The following AMD1 variants were observed in gnomAD, a reference collection of about 807,000 sequenced individuals.
AMD1 encodes the protein adenosylmethionine decarboxylase 1.
In AMD1, 11 loss-of-function variants were observed where a neutral mutation model predicts 40.2. That is an observed-to-expected ratio of 0.27 (90% confidence interval 0.17 to 0.45). The LOEUF (loss-of-function observed/expected upper bound fraction) is 0.45. Among genes scored for constraint, AMD1 ranks in the 20% least tolerant of loss-of-function variants. The pLI, the probability that AMD1 is intolerant of heterozygous loss-of-function variation, is 1.00. For missense variants in AMD1, 257 were observed against 410.2 expected (o/e 0.63, Z 3.23); for synonymous variants, 121 against 130.8 (o/e 0.93, Z 0.51).
At chr6:110,889,134 G>C in intron 3 of AMD1, 151 bp downstream of exon 3, 1 of 786,360 alleles carries the variant, frequency 1.3e-6, no homozygotes, top group South Asian at 3.2e-5. Context: ...GAAGAGATCT[G>C]ATTCTCAAGA....
At chr6:110,814,848 G>A in the AMD1 span, 3 of 913,330 alleles carry the variant, frequency 3.3e-6, no homozygotes, top group Admixed American at 4.4e-5. Context: ...GGAGGCGGGC[G>A]GAACGGGCGC....
intron 1 of AMD1, among the ~76,000 whole-genome samples, chr6:110,877,973 C>G (rs73534851): frequency 0.012 from 1,753 of 152,142 alleles, 33 homozygotes; most frequent in African/African-American, 0.04. Flanking sequence ...ACAAGGATAA[C>G]AAGATAAGGA....
the AMD1 span, among the ~76,000 whole-genome samples, chr6:110,835,119 C>T: frequency 6.7e-6 from 1 of 149,944 alleles, no homozygotes; most frequent in Non-Finnish European, 1.5e-5. Context: ...CCTGGGTTCA[C>T]ACCATTCTCC....
At chr6:110,892,590 T>C in intron 6 of AMD1, 145 bp from the exon 7 acceptor site, 1 of 1,393,012 alleles carries the variant, frequency 7.2e-7, no homozygotes, top group Non-Finnish European at 9.9e-7. Flanking sequence ...TCGTACACAG[T>C]ATTTCGTCAC....
At chr6:110,890,094 G>A (rs1785930179) in intron 3 of AMD1, 160 bp from the exon 4 acceptor site, 1 of 549,220 alleles carries the variant, frequency 1.8e-6, no homozygotes, top group East Asian at 3.3e-5. Flanking sequence ...CCTCCTAATA[G>A]CGAGACTACA....
At chr6:110,845,001 G>T in the AMD1 span, among the ~76,000 whole-genome samples, 15 of 150,104 alleles carry the variant, frequency 1.0e-4, no homozygotes, top group Non-Finnish European at 2.1e-4. Flanking sequence ...GAAAGCAAGC[G>T]CAAGCACGAG....
upstream of AMD1, chr6:110,874,738 T>C (rs1455830789): frequency 6.0e-6 from 1 of 165,422 alleles, no homozygotes; most frequent in African/African-American, 2.4e-5. Flanking sequence ...TCCTGGTCTT[T>C]TGGGGGGAGC....
At chr6:110,892,014 A>G (rs811921) in intron 4 of AMD1, 147 bp from the exon 5 acceptor site, 804,611 of 935,782 alleles carry the variant, frequency 0.86, 347,645 homozygotes, top group Middle Eastern at 0.94. Context: ...GGGATTATAG[A>G]CATGAGCTAC....
the AMD1 span, among the ~76,000 whole-genome samples, chr6:110,839,063 G>T: frequency 6.6e-6 from 1 of 152,266 alleles, no homozygotes; most frequent in Middle Eastern, 3.4e-3. Flanking sequence ...CACCGCGCCT[G>T]GCCCCTAACT....
chr6:110,815,056 C>T, the AMD1 span: 6 of 1,606,188 alleles, frequency 3.7e-6, no homozygotes, highest in Non-Finnish European at 5.1e-6. Flanking sequence ...TGCCGCGTCC[C>T]ACTTTGCACC....
chr6:110,890,353 C>A lies in AMD1; in HGVS notation c.424C>A (p.Pro142Thr). The change falls in exon 4 of 9, where the codon CCA becomes ACA. Residue 142 changes from proline (P) to threonine (T), a missense_variant. Pro to Thr is a conservative substitution (Grantham distance 38, BLOSUM62 -1). Coordinates refer to ENST00000368885, the MANE Select transcript of AMD1 (RefSeq NM_001634.6). ...AATAGAGTTTCTTAATGCAATTTTC[C>A]CAAGTAAGTTTAAATAAAATATAAA... Reference protein sequence around the residue: ...EEIEFLNAIFPNGAAYCMGRM... With the variant: ...EEIEFLNAIFTNGAAYCMGRM... The A allele has an allele frequency of 6.3e-7, 1 of 1,586,462 alleles. No individual in the cohort carries two copies.
At chr6:110,866,889 C>T in the AMD1 span, among the ~76,000 whole-genome samples, 1 of 152,042 alleles carries the variant, frequency 6.6e-6, no homozygotes, top group South Asian at 2.1e-4. Flanking sequence ...TCTTGGCTCA[C>T]TGCAACCTCC....
chr6:110,847,847 G>A, the AMD1 span, among the ~76,000 whole-genome samples: 19 of 151,682 alleles, frequency 1.3e-4, no homozygotes, highest in African/African-American at 4.6e-4. Context: ...GAGTAGCTGG[G>A]ATTACAGGTG....
the AMD1 span, among the ~76,000 whole-genome samples, chr6:110,841,202 G>A: frequency 1.3e-5 from 2 of 152,136 alleles, no homozygotes; most frequent in African/African-American, 2.4e-5. Flanking sequence ...TAGTAGAGAT[G>A]GGGTTTCTCC....
chr6:110,857,923 C>T, the AMD1 span, among the ~76,000 whole-genome samples: 3 of 151,926 alleles, frequency 2.0e-5, no homozygotes, highest in Non-Finnish European at 2.9e-5. Flanking sequence ...TAGCCTAGAA[C>T]TTCTGAACTC....
the AMD1 span, among the ~76,000 whole-genome samples, chr6:110,824,074 C>T: frequency 6.6e-6 from 1 of 152,124 alleles, no homozygotes; most frequent in Non-Finnish European, 1.5e-5. Context: ...TGAGTATCTA[C>T]CCAAAGGAAA....
chr6:110,868,363 G>C, the AMD1 span, among the ~76,000 whole-genome samples: 1 of 151,986 alleles, frequency 6.6e-6, no homozygotes, highest in Non-Finnish European at 1.5e-5. Flanking sequence ...TTTAGCTAGA[G>C]TGGTCTTGAT....
At chr6:110,832,487 G>A in the AMD1 span, among the ~76,000 whole-genome samples, 1 of 152,052 alleles carries the variant, frequency 6.6e-6, no homozygotes, top group Non-Finnish European at 1.5e-5. Flanking sequence ...CAACTCTGAA[G>A]TCTATTCCTG....
the AMD1 span, among the ~76,000 whole-genome samples, chr6:110,832,224 C>A: frequency 6.6e-6 from 1 of 151,518 alleles, no homozygotes; most frequent in Non-Finnish European, 1.5e-5. Context: ...CCAGGGTGGT[C>A]TTGAACTCCT....
Sources: allele counts gnomAD v4.1 joint callset (sites outside exome capture counted in the v4.1 genomes callset), GRCh38; gene constraint gnomAD v4.1.1; transcripts MANE v1.5; gene names NCBI Gene and HGNC (gene_info 2026-07-23, HGNC 2026-07-21).